Variants in SNX30 observed in about 807,000 individuals in gnomAD.
The protein encoded by SNX30 is sorting nexin family member 30.
In SNX30, 24 loss-of-function variants were observed where a neutral mutation model predicts 46.4. The observed-to-expected ratio is 0.52, with a 90% CI of 0.37 to 0.73. SNX30 has a LOEUF of 0.73. Ranked by LOEUF, SNX30 falls within the 30% of genes least tolerant of loss-of-function variation. The pLI, the probability that SNX30 is intolerant of heterozygous loss-of-function variation, is 0.00. For synonymous variants in SNX30, 189 were observed against 211.5 expected (o/e 0.89, Z 0.92); for missense variants, 533 against 555.7 (o/e 0.96, Z 0.41).
At chr9:112,852,990 C>T (rs1841054609) in intron 7 of SNX30, among the ~76,000 whole-genome samples, 1 of 152,188 alleles carries the variant, frequency 6.6e-6, no homozygotes, top group South Asian at 2.1e-4. Context: ...AATTGCATCA[C>T]AGGATCACTG....
At chr9:112,862,573 G>T (rs1841255482) in intron 7 of SNX30, among the ~76,000 whole-genome samples, 1 of 152,140 alleles carries the variant, frequency 6.6e-6, no homozygotes, top group Admixed American at 6.5e-5. Flanking sequence ...CTTGGGAGGA[G>T]GCAAAAGAGA....
intron 5 of SNX30, 122 bp downstream of exon 5, chr9:112,836,531 C>CT (rs1840754022): frequency 9.3e-7 from 1 of 1,079,556 alleles, no homozygotes; most frequent in East Asian, 2.5e-5. Context: ...CCATCTTTTG[C>CT]TTATCAAAGA....
intron 2 of SNX30, among the ~76,000 whole-genome samples, chr9:112,805,874 A>G (rs370846389): frequency 1.3e-5 from 2 of 152,374 alleles, no homozygotes; most frequent in African/African-American, 4.8e-5. Context: ...AAAGTTGGTA[A>G]CCAGGATTCT....
At chr9:112,818,433 T>A (rs544277152) in intron 3 of SNX30, among the ~76,000 whole-genome samples, 1 of 152,328 alleles carries the variant, frequency 6.6e-6, no homozygotes, top group South Asian at 2.1e-4. Context: ...TTTTGCCATA[T>A]TGGCCAGGCT....
Position 112,838,613 on chromosome 9 carries a change from A to G in SNX30, c.930A>G (p.Thr310=), listed in dbSNP as rs770957316. The G allele has an allele frequency of 6.2e-7, 1 of 1,614,222 alleles. No homozygotes were observed. Among genetic ancestry groups the G allele is most frequent in the South Asian group, 1.1e-5 (1 of 91,088 alleles). ...GVSACIGNCS[T]ALEELTDDMT... is the part of the protein sequence containing the mutation. ...CAGCTTGCATTGGGAACTGCTCTAC[A>G]GCCTTAGAAGAGCTGACAGATGACA... is the stretch of plus-strand genomic sequence containing the variant. The change falls in exon 6 of 9, where the codon ACA becomes ACG. Residue 310 remains threonine (T), a synonymous_variant. Transcript: ENST00000374232.
intron 2 of SNX30, among the ~76,000 whole-genome samples, chr9:112,806,897 G>GT (rs1377077031): frequency 1.6e-4 from 25 of 151,994 alleles, no homozygotes; most frequent in African/African-American, 5.8e-4. Flanking sequence ...CCATTTTATA[G>GT]TATTTTTGAA....
At chr9:112,773,331 A>C (rs1839683128) in intron 1 of SNX30, among the ~76,000 whole-genome samples, 2 of 152,184 alleles carry the variant, frequency 1.3e-5, no homozygotes, top group African/African-American at 2.4e-5. Context: ...ATCTCTTCTC[A>C]TAACTGATAG....
chr9:112,755,389 T>C (rs1245185455), intron 1 of SNX30, among the ~76,000 whole-genome samples: 2 of 151,896 alleles, frequency 1.3e-5, no homozygotes, highest in Non-Finnish European at 2.9e-5. Flanking sequence ...AGAGTGAGCA[T>C]TGGAGAGTTA....
chr9:112,792,882 C>CTTTTTT (rs11447466), intron 1 of SNX30, among the ~76,000 whole-genome samples: 67 of 146,600 alleles, frequency 4.6e-4, no homozygotes, highest in Non-Finnish European at 6.3e-4. Context: ...TTTCTTTAGG[C>CTTTTTT]TTTTTTTTTT....
chr9:112,847,724 C>G (rs775982998), intron 6 of SNX30, among the ~76,000 whole-genome samples: 3 of 152,200 alleles, frequency 2.0e-5, no homozygotes, highest in Non-Finnish European at 4.4e-5. Flanking sequence ...CACTTGAAAT[C>G]ACAACAAAAT....
At chr9:112,796,220 A>C (rs555848212) in intron 1 of SNX30, among the ~76,000 whole-genome samples, 1 of 152,354 alleles carries the variant, frequency 6.6e-6, no homozygotes, top group Admixed American at 6.5e-5. Flanking sequence ...TCTTTTGTGC[A>C]GTGTCTGTCC....
At chr9:112,766,853 A>G (rs1839545951) in intron 1 of SNX30, among the ~76,000 whole-genome samples, 1 of 151,898 alleles carries the variant, frequency 6.6e-6, no homozygotes, top group Non-Finnish European at 1.5e-5. Flanking sequence ...TTCTTAACCC[A>G]TTTTTCTGAT....
At chr9:112,882,018 T>C (rs1260035167), downstream of SNX30, among the ~76,000 whole-genome samples, 5 of 152,122 alleles carry the variant, frequency 3.3e-5, no homozygotes, top group Non-Finnish European at 7.4e-5. Context: ...GGGTGGTCAA[T>C]GGCAGGAATA....
chr9:112,862,805 T>A (rs1369369027), intron 7 of SNX30, among the ~76,000 whole-genome samples: 2 of 151,988 alleles, frequency 1.3e-5, no homozygotes, highest in African/African-American at 2.4e-5. Flanking sequence ...TCCAGTGATC[T>A]TCTGCCTTGG....
At chr9:112,779,195 T>G (rs1178798335) in intron 1 of SNX30, among the ~76,000 whole-genome samples, 2 of 152,248 alleles carry the variant, frequency 1.3e-5, no homozygotes, top group Admixed American at 1.3e-4. Context: ...TAGCTGGTCC[T>G]GTATGCAATG....
At chr9:112,791,480 C>T (rs1472768695) in intron 1 of SNX30, among the ~76,000 whole-genome samples, 1 of 118,698 alleles carries the variant, frequency 8.4e-6, no homozygotes, top group African/African-American at 3.2e-5. Context: ...CGCAATTGCG[C>T]TGCTCACTGC....
intron 7 of SNX30, among the ~76,000 whole-genome samples, chr9:112,858,343 C>T (rs902453608): frequency 2.0e-5 from 3 of 152,026 alleles, no homozygotes; most frequent in Admixed American, 6.5e-5. Context: ...AGCAAGACCT[C>T]GCCTCTACTC....
chr9:112,843,738 C>T (rs540872277), intron 6 of SNX30, among the ~76,000 whole-genome samples: 11 of 151,696 alleles, frequency 7.3e-5, no homozygotes, highest in South Asian at 2.1e-4. Flanking sequence ...CCTTAGCCTC[C>T]TGAGTAGCTG....
At chr9:112,757,666 T>C (rs1011278444) in intron 1 of SNX30, among the ~76,000 whole-genome samples, 1 of 152,216 alleles carries the variant, frequency 6.6e-6, no homozygotes, top group East Asian at 1.9e-4. Context: ...TTTGTCTTGC[T>C]TTCCCGTCCT....
Sources: gnomAD v4.1 joint callset for allele counts (sites outside exome capture counted in the v4.1 genomes callset) on GRCh38, gnomAD v4.1.1 for gene constraint, MANE v1.5 for transcripts, NCBI Gene and HGNC (gene_info 2026-07-23, HGNC 2026-07-21) for gene names.